Variants in SLC2A3 observed in about 807,000 individuals in gnomAD.
SLC2A3 encodes the protein solute carrier family 2 member 3, also known as solute carrier family 2, facilitated glucose transporter member 3.
In SLC2A3, 21 loss-of-function variants were observed where a neutral mutation model predicts 46.4. The ratio of observed to expected loss-of-function variants is 0.45; its 90% CI spans 0.32 to 0.65. The LOEUF is 0.65. Among genes scored for constraint, SLC2A3 ranks in the 30% least tolerant of loss-of-function variants. The probability of loss-of-function intolerance (pLI) is 0.04; values close to 1 mark genes in which losing one functional copy is unlikely to be tolerated. For missense variants in SLC2A3, 499 were observed against 623.3 expected (o/e 0.80, Z 2.12); for synonymous variants, 213 against 239.4 (o/e 0.89, Z 1.02).
chr12:7,929,537 T>A, intron 6 of SLC2A3, 147 bp downstream of exon 6: 1 of 1,178,894 alleles, frequency 8.5e-7, no homozygotes, highest in Non-Finnish European at 1.2e-6. Flanking sequence ...TAATTATAGC[T>A]CACTGCAACC....
At chr12:7,924,322 C>T (rs1337625239) in intron 8 of SLC2A3, 88 bp downstream of exon 8, 1 of 1,537,250 alleles carries the variant, frequency 6.5e-7, no homozygotes, top group Non-Finnish European at 8.8e-7. Flanking sequence ...CAAACTGCAA[C>T]CTTAACAACC....
At chr12:7,929,009 C>T (rs1946124420) in intron 6 of SLC2A3, among the ~76,000 whole-genome samples, 1 of 151,938 alleles carries the variant, frequency 6.6e-6, no homozygotes, top group South Asian at 2.1e-4. Context: ...GAAGCACTGC[C>T]ACTTCAAATA....
At chr12:7,929,393 GT>G (rs1946128949) in intron 6 of SLC2A3, 1 of 395,400 alleles carries the variant, frequency 2.5e-6, no homozygotes, top group African/African-American at 2.0e-5. Flanking sequence ...CGCTATACTA[GT>G]TGTAAAAACA....
Position 7,925,947 on chromosome 12 carries a change from A to G in SLC2A3, c.863T>C (p.Val288Ala). Residue 288 changes from valine to alanine, a missense_variant and splice_region_variant, in exon 7 of 10, where the codon GTG (valine) becomes GCG (alanine). This residue lies in a region of SLC2A3 where 65 missense variants were observed against 88.4 expected (regional missense o/e 0.74). Coordinates refer to ENST00000075120, the MANE Select transcript of SLC2A3 (RefSeq NM_006931.3). ...GAAGATTCCTGTTGAGTAATAGAAC[A>G]CCTAGGAGAAAAGAAAACATGCAGC... is the stretch of plus-strand genomic sequence containing the variant. Reference protein sequence around the residue: ...LSQQLSGINAVFYYSTGIFKD... With the variant: ...LSQQLSGINAAFYYSTGIFKD... The G allele has an allele frequency of 6.2e-7, 1 of 1,610,810 alleles. No individual in the cohort carries two copies. Among genetic ancestry groups the G allele is most frequent in the Non-Finnish European group, 8.5e-7 (1 of 1,177,096 alleles).
In SLC2A3 at chr12:7,933,072, G is replaced by A; in HGVS notation, c.184C>T (p.Leu62Phe). ...AATATGGCCACAGACAAGGACCAGA[G>A]AGACGTGAGCAGCACCTCAGAGGGT... Reference protein sequence around the residue: ...APPSEVLLTSLWSLSVAIFSV... With the variant: ...APPSEVLLTSFWSLSVAIFSV... Residue 62 changes from leucine to phenylalanine, a missense_variant, in exon 3 of 10, where the codon CTC becomes TTC. Physicochemically the swap from Leu to Phe is conservative, Grantham distance 22. Transcript: ENST00000075120. The A allele has an allele frequency of 1.9e-6, 3 of 1,614,104 alleles. No homozygotes were observed. Among genetic ancestry groups the A allele is most frequent in the Non-Finnish European group, 2.5e-6 (3 of 1,180,020 alleles).
chr12:7,934,904 C>A (rs1946197011), intron 1 of SLC2A3, among the ~76,000 whole-genome samples: 1 of 152,144 alleles, frequency 6.6e-6, no homozygotes, highest in Non-Finnish European at 1.5e-5. Context: ...GTAAAAATCT[C>A]TTCTGTCTCC....
intron 8 of SLC2A3, among the ~76,000 whole-genome samples, chr12:7,924,207 T>A (rs1406754861): frequency 6.6e-6 from 1 of 152,178 alleles, no homozygotes; most frequent in Admixed American, 6.5e-5. Flanking sequence ...TAAGCTATAA[T>A]AATGTTCTAT....
At chr12:7,925,779 C>A in intron 7 of SLC2A3, 65 bp downstream of exon 7, 2 of 1,228,956 alleles carry the variant, frequency 1.6e-6, no homozygotes, top group South Asian at 2.4e-5. Context: ...TCATGCAATC[C>A]ATCTTTGAAC....
chr12:7,935,282 G>A (rs1193560034), intron 1 of SLC2A3, among the ~76,000 whole-genome samples: 1 of 152,130 alleles, frequency 6.6e-6, no homozygotes, highest in East Asian at 1.9e-4. Context: ...GAGAAACCCC[G>A]TCTCTACTAA....
At chr12:7,932,617 T>C (rs575552988) in intron 3 of SLC2A3, 101 of 184,348 alleles carry the variant, frequency 5.5e-4, no homozygotes, top group Non-Finnish European at 9.3e-4. Flanking sequence ...AAATAATTCC[T>C]ACCAATCCTG....
In SLC2A3 at chr12:7,921,651, A is replaced by C; in HGVS notation, c.1273-20T>G. ...ATAGTGCTAGAGAAAGGACAGAAAAAAGGAAGGTTGATATAAAAATCTGGT... is the reference window on the plus strand; with the variant it reads ...ATAGTGCTAGAGAAAGGACAGAAAACAGGAAGGTTGATATAAAAATCTGGT... On this transcript the variant is annotated intron_variant, in intron 9 of 9. Coordinates refer to ENST00000075120, the MANE Select transcript of SLC2A3 (RefSeq NM_006931.3). 6.2e-7 allele frequency: 1 copy of C among 1,604,128 alleles called. No homozygotes were observed. The highest frequency in any genetic ancestry group is 8.5e-7 in the Non-Finnish European group (1 of 1,175,724).
intron 6 of SLC2A3, among the ~76,000 whole-genome samples, chr12:7,928,397 CA>C (rs749596451): frequency 0.013 from 1,854 of 142,842 alleles, 24 homozygotes; most frequent in African/African-American, 0.043. Context: ...GACTCTGTTT[CA>C]AAAAAAAAAA....
At chr12:7,925,774 C>T (rs1946089171) in intron 7 of SLC2A3, 70 bp downstream of exon 7, 3 of 1,187,172 alleles carry the variant, frequency 2.5e-6, no homozygotes, top group Non-Finnish European at 3.8e-6. Context: ...TAGGGTCATG[C>T]AATCCATCTT....
At chr12:7,931,956 A>G (rs1359923470) in intron 3 of SLC2A3, among the ~76,000 whole-genome samples, 2 of 145,792 alleles carry the variant, frequency 1.4e-5, no homozygotes, top group Non-Finnish European at 3.0e-5. Context: ...ATCTCGGCTC[A>G]CTGCAACCTG....
chr12:7,930,391 G>T, intron 5 of SLC2A3, 89 bp downstream of exon 5: 1 of 1,298,032 alleles, frequency 7.7e-7, no homozygotes, highest in Non-Finnish European at 1.1e-6. Flanking sequence ...GGCAGGGAAA[G>T]AGTGTAACAG....
chr12:7,923,613 CAAA>C (rs58874969), intron 8 of SLC2A3, among the ~76,000 whole-genome samples: 1 of 149,676 alleles, frequency 6.7e-6, no homozygotes, highest in Admixed American at 6.7e-5. Context: ...AACCCTGTCT[CAAA>C]AAAAAAATTT....
At chr12:7,933,294 T>C in intron 2 of SLC2A3, 147 bp from the exon 3 acceptor site, 1 of 900,846 alleles carries the variant, frequency 1.1e-6, no homozygotes. Context: ...GGAATTTATG[T>C]TAACTCTCGC....
chr12:7,921,642 G>C lies in SLC2A3; in HGVS notation c.1273-11C>G. 6.2e-7 allele frequency: 1 copy of C among 1,604,114 alleles called. No individual in the cohort carries two copies. Among genetic ancestry groups the C allele is most frequent in the Non-Finnish European group, 8.5e-7 (1 of 1,176,644 alleles). ...GGCTCCTAAATAGTGCTAGAGAAAG[G>C]ACAGAAAAAAGGAAGGTTGATATAA... On this transcript the variant is annotated splice_polypyrimidine_tract_variant and intron_variant, in intron 9 of 9. Coordinates refer to ENST00000075120, the MANE Select transcript of SLC2A3 (RefSeq NM_006931.3).
At chr12:7,921,820 T>C (rs1409914171) in intron 9 of SLC2A3, among the ~76,000 whole-genome samples, 189 bp from the exon 10 acceptor site, 2 of 152,306 alleles carry the variant, frequency 1.3e-5, no homozygotes. Context: ...GTTTTCTTTC[T>C]GTCATTCCAT....
Sources: allele counts gnomAD v4.1 joint callset (sites outside exome capture counted in the v4.1 genomes callset), GRCh38; gene constraint gnomAD v4.1.1; regional missense constraint gnomAD v4.1.1; transcripts MANE v1.5; gene names NCBI Gene and HGNC (gene_info 2026-07-23, HGNC 2026-07-21).